ZYG11B: variants seen among roughly 807,000 people sequenced by gnomAD.
The protein encoded by ZYG11B is zyg-11 family member B, cell cycle regulator, also known as protein zyg-11 homolog B.
A neutral mutation model predicts 82.4 loss-of-function variants in ZYG11B; 36 were observed. The ratio of observed to expected loss-of-function variants is 0.44; its 90% CI spans 0.33 to 0.58. ZYG11B has a LOEUF of 0.58. Ranked by LOEUF, ZYG11B falls within the 20% of genes least tolerant of loss-of-function variation. The probability of loss-of-function intolerance (pLI) is 0.02; values close to 1 mark genes in which losing one functional copy is unlikely to be tolerated. For missense variants in ZYG11B, 552 were observed against 895.6 expected, an observed-to-expected ratio of 0.62 and a Z score of 4.90; for synonymous variants, 303 against 312.8, an observed-to-expected ratio of 0.97 and a Z score of 0.33.
chr1:52,770,088 A>ATT (rs1479332225), intron 2 of ZYG11B, among the ~76,000 whole-genome samples: 436 of 76,850 alleles, frequency 5.7e-3, no homozygotes, highest in Non-Finnish European at 0.01. Flanking sequence ...ATATATATAT[A>ATT]TATATTTTTT....
At chr1:52,803,105 T>TATATATACACACAC (rs1645094787) in intron 10 of ZYG11B, among the ~76,000 whole-genome samples, 1 of 90,112 alleles carries the variant, frequency 1.1e-5, no homozygotes, top group South Asian at 3.2e-4. Flanking sequence ...TATACATATA[T>TATATATACACACAC]ATATATATAT....
At chr1:52,748,693 T>C (rs1221360514) in intron 1 of ZYG11B, among the ~76,000 whole-genome samples, 2 of 152,122 alleles carry the variant, frequency 1.3e-5, no homozygotes, top group Non-Finnish European at 2.9e-5. Flanking sequence ...TGAAACCCTG[T>C]CTCCACTGAA....
intron 1 of ZYG11B, among the ~76,000 whole-genome samples, chr1:52,740,925 G>T: frequency 1.1e-5 from 1 of 87,096 alleles, no homozygotes; most frequent in Admixed American, 1.2e-4. Flanking sequence ...GGCGGGGGAG[G>T]GTAAGGGATT....
intron 6 of ZYG11B, 73 bp from the exon 7 acceptor site, chr1:52,796,219 G>C: frequency 8.7e-7 from 1 of 1,147,224 alleles, no homozygotes; most frequent in South Asian, 1.3e-5. Context: ...TGTAGCATCA[G>C]TTCCTAGCTG....
chr1:52,783,988 A>G (rs1250941515), intron 4 of ZYG11B, among the ~76,000 whole-genome samples: 2 of 142,904 alleles, frequency 1.4e-5, no homozygotes, highest in South Asian at 4.4e-4. Flanking sequence ...ACACACACAT[A>G]TATATATATA....
At chr1:52,727,006 C>T (rs1426267127) in intron 1 of ZYG11B, among the ~76,000 whole-genome samples, 2 of 151,926 alleles carry the variant, frequency 1.3e-5, no homozygotes, top group Admixed American at 6.6e-5. Context: ...CTTTCTTTCT[C>T]CTCTATCATT....
At chr1:52,793,186 C>G (rs931199640) in intron 6 of ZYG11B, among the ~76,000 whole-genome samples, 13 of 151,930 alleles carry the variant, frequency 8.6e-5, no homozygotes, top group African/African-American at 3.1e-4. Context: ...TGTTGAAGTT[C>G]AGCGAGGTTA....
chr1:52,791,573 T>A (rs1227442620), intron 6 of ZYG11B, among the ~76,000 whole-genome samples: 1 of 151,998 alleles, frequency 6.6e-6, no homozygotes, highest in East Asian at 1.9e-4. Flanking sequence ...TTCACCATGT[T>A]GGCCAGGCTG....
rs1019659073 is a variant in ZYG11B, at chr1:52,772,930, G to T, written c.951+1156G>T. 2.0e-4 allele frequency among the ~76,000 whole-genome samples: 31 copies of T among 151,950 alleles called. 1 individual carries two copies. Among genetic ancestry groups the T allele is most frequent in the South Asian group, 1.5e-3 (7 of 4,804 alleles). ...CTGACCTCGTAATCTGCCCGCCTCGGCCTCCCAAAGTGCTGGGATTATAGG... is the reference window on the plus strand; with the variant it reads ...CTGACCTCGTAATCTGCCCGCCTCGTCCTCCCAAAGTGCTGGGATTATAGG... On this transcript the variant is annotated intron_variant, in intron 3 of 13. Coordinates refer to ENST00000294353, the MANE Select transcript of ZYG11B (RefSeq NM_024646.3).
chr1:52,791,056 C>T (rs1269866285), intron 6 of ZYG11B, among the ~76,000 whole-genome samples: 1 of 151,914 alleles, frequency 6.6e-6, no homozygotes, highest in African/African-American at 2.4e-5. Flanking sequence ...ACTGCAACCT[C>T]CTCCTCCTGA....
intron 1 of ZYG11B, among the ~76,000 whole-genome samples, chr1:52,737,866 A>G (rs1558116322): frequency 6.6e-6 from 1 of 152,250 alleles, no homozygotes; most frequent in Non-Finnish European, 1.5e-5. Context: ...TAGATGAAAA[A>G]AATTGAACAC....
intron 13 of ZYG11B, among the ~76,000 whole-genome samples, chr1:52,817,773 A>ATG (rs1298660470): frequency 0.023 from 870 of 37,716 alleles, 36 homozygotes; most frequent in Non-Finnish European, 0.034. Flanking sequence ...GTGTATATAT[A>ATG]TGTGTATATA....
intron 3 of ZYG11B, among the ~76,000 whole-genome samples, chr1:52,776,229 A>AAAAAAAAAAATAT: frequency 4.2e-5 from 1 of 23,544 alleles, no homozygotes; most frequent in Non-Finnish European, 1.2e-4. Flanking sequence ...TAAAAAAAAA[A>AAAAAAAAAAATAT]ATATATATAT....
intron 6 of ZYG11B, among the ~76,000 whole-genome samples, chr1:52,792,759 C>T (rs1644970295): frequency 6.6e-6 from 1 of 152,086 alleles, no homozygotes; most frequent in Non-Finnish European, 1.5e-5. Context: ...TATTTTGTGC[C>T]AAATTCTGTA....
At chr1:52,755,299 A>C (rs1444557791) in intron 1 of ZYG11B, among the ~76,000 whole-genome samples, 1 of 151,988 alleles carries the variant, frequency 6.6e-6, no homozygotes, top group Non-Finnish European at 1.5e-5. Flanking sequence ...CATTCTTGTC[A>C]ATATCAATTG....
At chr1:52,762,317 C>T (rs1395858764) in intron 2 of ZYG11B, among the ~76,000 whole-genome samples, 1 of 151,144 alleles carries the variant, frequency 6.6e-6, no homozygotes, top group Non-Finnish European at 1.5e-5. Flanking sequence ...AAGCAATCCT[C>T]CTGCTTCAGC....
intron 10 of ZYG11B, among the ~76,000 whole-genome samples, chr1:52,804,099 G>C (rs1271614399): frequency 6.6e-6 from 1 of 152,072 alleles, no homozygotes; most frequent in Non-Finnish European, 1.5e-5. Flanking sequence ...AAGAAAATTA[G>C]CTGAACATGG....
chr1:52,739,545 T>C lies in ZYG11B; in HGVS notation c.30+12862T>C, dbSNP rs149094362. 6.7e-3 allele frequency among the ~76,000 whole-genome samples: 1,023 copies of C among 152,298 alleles called. 9 individuals are homozygous for C. Among genetic ancestry groups the C allele is most frequent in the African/African-American group, 0.023 (961 of 41,572 alleles). ...ACTTGAGCTCTAACCTCTCAATGTA[T>C]TACCCACCTTTTTCACACCAGAGAC... On this transcript the variant is annotated intron_variant, in intron 1 of 13. Coordinates refer to ENST00000294353, the MANE Select transcript of ZYG11B (RefSeq NM_024646.3).
chr1:52,802,690 A>G (rs1645086957), intron 10 of ZYG11B, among the ~76,000 whole-genome samples: 2 of 150,662 alleles, frequency 1.3e-5, no homozygotes, highest in South Asian at 2.1e-4. Flanking sequence ...GAACAAAAAA[A>G]GAAAGAGAGA....
Sources: gnomAD v4.1 joint callset for allele counts (sites outside exome capture counted in the v4.1 genomes callset) on GRCh38, gnomAD v4.1.1 for gene constraint, MANE v1.5 for transcripts, NCBI Gene and HGNC (gene_info 2026-07-23, HGNC 2026-07-21) for gene names.